The following MBNL1 variants were observed in gnomAD, a reference collection of about 807,000 sequenced individuals.
MBNL1 encodes the protein muscleblind like splicing regulator 1.
Under a neutral mutation model 42.2 loss-of-function variants are expected in MBNL1, and 8 were observed. The ratio of observed to expected loss-of-function variants is 0.19; its 90% CI spans 0.11 to 0.34. The LOEUF is 0.34. Ranked by LOEUF, MBNL1 falls within the 10% of genes least tolerant of loss-of-function variation. The probability of loss-of-function intolerance (pLI) is 1.00; values close to 1 mark genes in which losing one functional copy is unlikely to be tolerated. For synonymous variants in MBNL1, 169 were observed against 173.9 expected, an observed-to-expected ratio of 0.97 and a Z score of 0.22; for missense variants, 309 against 495.3, an observed-to-expected ratio of 0.62 and a Z score of 3.57.
At chr3:152,349,221 G>A (rs1206990673) in intron 2 of MBNL1, among the ~76,000 whole-genome samples, 2 of 152,074 alleles carry the variant, frequency 1.3e-5, no homozygotes, top group Non-Finnish European at 2.9e-5. Flanking sequence ...TTGAATAACA[G>A]TTCTTCAGGG....
chr3:152,374,303 GGAGAAGGGTCATTTTCATTTTTGATTA>G (rs2096804076), intron 2 of MBNL1, among the ~76,000 whole-genome samples: 1 of 152,106 alleles, frequency 6.6e-6, no homozygotes, highest in African/African-American at 2.4e-5. Context: ...AGAGTTGGAT[GGAGAAGGGTCATTTTCATTTTTGATTA>G]GAGGATTCTT....
chr3:152,423,015 C>A (rs1174462185), intron 3 of MBNL1, among the ~76,000 whole-genome samples: 2 of 152,144 alleles, frequency 1.3e-5, no homozygotes, highest in African/African-American at 4.8e-5. Context: ...AAAATTGACA[C>A]CTGAACATCA....
upstream of MBNL1, chr3:152,268,715 G>T (rs534526326): frequency 4.4e-6 from 2 of 454,804 alleles, no homozygotes; most frequent in South Asian, 3.1e-5. Flanking sequence ...GCTCTTGCGG[G>T]CTCTGTCCGG....
rs572618268 is a variant in MBNL1, at chr3:152,422,281, A to AG, written c.345+7170_345+7171insG. ...GCAAATGGAAAGCAAAAAAAAAAAAAAAAAGCAGGAGTTGCAATCCTAGTC... is the reference window on the plus strand; with the variant it reads ...GCAAATGGAAAGCAAAAAAAAAAAAAGAAAAGCAGGAGTTGCAATCCTAGTC... On this transcript the variant is annotated intron_variant, in intron 3 of 9. Transcript: ENST00000324210. Among the ~76,000 whole-genome samples, 331 of 151,782 alleles carry AG rather than the reference A, an allele frequency of 2.2e-3. 2 individuals are homozygous for AG. Among genetic ancestry groups the AG allele is most frequent in the African/African-American group, 7.7e-3 (319 of 41,386 alleles).
chr3:152,277,142 CTT>C (rs2045706043), intron 1 of MBNL1, among the ~76,000 whole-genome samples: 1 of 152,104 alleles, frequency 6.6e-6, no homozygotes, highest in Admixed American at 6.5e-5. Context: ...GGGATTATAA[CTT>C]AAGTAGAAGA....
At chr3:152,436,733 T>A (rs1253020841) in intron 4 of MBNL1, among the ~76,000 whole-genome samples, 1 of 152,246 alleles carries the variant, frequency 6.6e-6, no homozygotes, top group Non-Finnish European at 1.5e-5. Context: ...TAGTGCTTAA[T>A]TGAAATGAAG....
intron 2 of MBNL1, among the ~76,000 whole-genome samples, chr3:152,413,228 G>A (rs529488249): frequency 1.3e-5 from 2 of 152,216 alleles, no homozygotes; most frequent in African/African-American, 4.8e-5. Context: ...ATGTTACTTC[G>A]TGAGCATACC....
At chr3:152,335,140 A>G (rs947252520) in intron 2 of MBNL1, 1 of 1,289,440 alleles carries the variant, frequency 7.8e-7, no homozygotes, top group Non-Finnish European at 1.0e-6. Context: ...GTTTAAGGGG[A>G]ACCTTCTGGA....
chr3:152,332,131 A>G (rs1349559143), intron 2 of MBNL1, among the ~76,000 whole-genome samples: 2 of 152,226 alleles, frequency 1.3e-5, no homozygotes. Context: ...GTATGTCTGT[A>G]TCTATCTATG....
At chr3:152,359,312 C>T (rs1489027868) in intron 2 of MBNL1, among the ~76,000 whole-genome samples, 3 of 152,306 alleles carry the variant, frequency 2.0e-5, no homozygotes, top group Middle Eastern at 3.4e-3. Flanking sequence ...CTCCATTTCT[C>T]ACATAATTTT....
At chr3:152,433,567 G>T (rs1211509447) in intron 4 of MBNL1, among the ~76,000 whole-genome samples, 1 of 151,812 alleles carries the variant, frequency 6.6e-6, no homozygotes, top group Non-Finnish European at 1.5e-5. Context: ...TGGCTAACAC[G>T]GTGAAACCCC....
chr3:152,282,301 T>C (rs1042405331), intron 1 of MBNL1, among the ~76,000 whole-genome samples: 2 of 152,122 alleles, frequency 1.3e-5, no homozygotes, highest in Non-Finnish European at 2.9e-5. Flanking sequence ...ATCAATGGAT[T>C]TGAAAATGAT....
intron 1 of MBNL1, among the ~76,000 whole-genome samples, chr3:152,298,459 G>A (rs552255057): frequency 6.6e-6 from 1 of 152,274 alleles, no homozygotes; most frequent in Admixed American, 6.5e-5. Context: ...AGTGCATCAC[G>A]CTGCTCAAAT....
chr3:152,432,813 G>A lies in MBNL1; in HGVS notation c.442G>A (p.Glu148Lys). 1 of 1,614,196 alleles carries A rather than the reference G, an allele frequency of 6.2e-7. No homozygotes were observed. Among genetic ancestry groups the A allele is most frequent in the Non-Finnish European group, 8.5e-7 (1 of 1,180,030 alleles). The stretch of plus-strand genomic sequence containing the variant: ...TGTTTCTCCAAGCCTGGTCCCGGCA[G>A]AGATCTTGCCGACTGCACCAATGTT... ...GPVSPSLVPA[E>K]ILPTAPMLVT... The change falls in exon 4 of 10, where the codon GAG (glutamate) becomes AAG (lysine). Residue 148 changes from glutamate (E) to lysine (K), a missense_variant. Transcript: ENST00000324210.
rs139763690 is a variant in MBNL1, at chr3:152,272,039, TTCTCTCTCTCTCTC to T, written c.-790+2965_-790+2978del. On this transcript the variant is annotated intron_variant, in intron 1 of 9. Coordinates refer to ENST00000324210, the MANE Select transcript of MBNL1 (RefSeq NM_021038.5). ...ACTAGATTAACTTCACCTGTTTCTT[TTCTCTCTCTCTCTC>T]TCTCTCTCTCTCTCTCTTTCATGGT... is the stretch of plus-strand genomic sequence containing the variant. Among the ~76,000 whole-genome samples the T allele has an allele frequency of 3.4e-5, 5 of 147,708 alleles. 1 individual carries two copies. The highest frequency in any genetic ancestry group is 4.4e-4 in the South Asian group (2 of 4,592).
chr3:152,344,250 G>T (rs1320883331), intron 2 of MBNL1, among the ~76,000 whole-genome samples: 2 of 152,122 alleles, frequency 1.3e-5, no homozygotes, highest in African/African-American at 4.8e-5. Flanking sequence ...GACAACAAAA[G>T]AAAACACAAA....
intron 2 of MBNL1, among the ~76,000 whole-genome samples, chr3:152,308,083 T>C (rs926404432): frequency 1.3e-5 from 2 of 152,180 alleles, no homozygotes; most frequent in African/African-American, 4.8e-5. Flanking sequence ...GGTTTAATTG[T>C]TTAGAAAATG....
At chr3:152,399,676 A>G (rs1024924637) in intron 2 of MBNL1, among the ~76,000 whole-genome samples, 1 of 151,718 alleles carries the variant, frequency 6.6e-6, no homozygotes, top group Non-Finnish European at 1.5e-5. Context: ...TTTTTTTTCT[A>G]TATTTTTGTA....
chr3:152,357,796 A>G (rs2095633567), intron 2 of MBNL1, among the ~76,000 whole-genome samples: 1 of 152,246 alleles, frequency 6.6e-6, no homozygotes, highest in South Asian at 2.1e-4. Flanking sequence ...TCTAAGCTTC[A>G]GTGAGATGAT....
Sources: gnomAD v4.1 joint callset for allele counts (sites outside exome capture counted in the v4.1 genomes callset) on GRCh38, gnomAD v4.1.1 for gene constraint, MANE v1.5 for transcripts, NCBI Gene and HGNC (gene_info 2026-07-23, HGNC 2026-07-21) for gene names.